Variants in USH2A observed in about 807,000 individuals in gnomAD.
USH2A encodes the protein usherin.
USH2A carries 443 observed loss-of-function variants against 538.9 expected under a neutral mutation model. The ratio of observed to expected loss-of-function variants is 0.82; its 90% confidence interval spans 0.76 to 0.89. The LOEUF (loss-of-function observed/expected upper bound fraction) is 0.89, where lower values mean the gene tolerates loss of function less well. Ranked by LOEUF, USH2A falls within the 40% of genes least tolerant of loss-of-function variation. The probability of loss-of-function intolerance (pLI) is 0.00; values close to 1 mark genes in which losing one functional copy is unlikely to be tolerated. For synonymous variants in USH2A, 2,413 were observed against 2,273.5 expected, an observed-to-expected ratio of 1.06 and a Z score of -1.75; for missense variants, 6,633 against 6,324.8, an observed-to-expected ratio of 1.05 and a Z score of -1.65.
chr1:215,670,267 G>C (rs1203905679), intron 64 of USH2A, among the ~76,000 whole-genome samples: 1 of 152,174 alleles, frequency 6.6e-6, no homozygotes, highest in African/African-American at 2.4e-5. Context: ...CTAGAAGACA[G>C]CCTGACACAT....
chr1:215,865,621 G>T (rs1202425961), intron 44 of USH2A, among the ~76,000 whole-genome samples: 2 of 152,066 alleles, frequency 1.3e-5, no homozygotes, highest in Non-Finnish European at 2.9e-5. Context: ...TAAAAACTTT[G>T]TATTTTTCCC....
intron 64 of USH2A, among the ~76,000 whole-genome samples, chr1:215,655,812 T>C (rs924250987): frequency 7.0e-6 from 1 of 142,998 alleles, no homozygotes; most frequent in African/African-American, 2.5e-5. Flanking sequence ...CTCGACTCAC[T>C]GCGATCTCCA....
At chr1:215,843,212 A>T (rs1323140553) in intron 46 of USH2A, among the ~76,000 whole-genome samples, 1 of 152,208 alleles carries the variant, frequency 6.6e-6, no homozygotes, top group Non-Finnish European at 1.5e-5. Flanking sequence ...TTCTGTGGTC[A>T]TATAAAATTT....
intron 4 of USH2A, among the ~76,000 whole-genome samples, chr1:216,331,169 T>G (rs141475912): frequency 7.9e-5 from 12 of 152,214 alleles, no homozygotes; most frequent in African/African-American, 2.9e-4. Flanking sequence ...GAATTATGAT[T>G]TGAGGTGAGA....
chr1:216,123,318 G>A (rs1320333456), intron 21 of USH2A, among the ~76,000 whole-genome samples: 1 of 152,164 alleles, frequency 6.6e-6, no homozygotes, highest in Non-Finnish European at 1.5e-5. Flanking sequence ...AACATATTAA[G>A]TCTTGTAAAA....
At chr1:216,411,154 T>C (rs922705205) in intron 3 of USH2A, among the ~76,000 whole-genome samples, 2 of 152,142 alleles carry the variant, frequency 1.3e-5, no homozygotes, top group Non-Finnish European at 2.9e-5. Context: ...TCTGTCCTCA[T>C]TTCACACCAT....
intron 38 of USH2A, among the ~76,000 whole-genome samples, chr1:215,903,889 C>T (rs951878068): frequency 2.0e-5 from 3 of 152,112 alleles, no homozygotes; most frequent in Admixed American, 6.6e-5. Flanking sequence ...CTATCCACTT[C>T]TTACCTTCAC....
chr1:215,732,696 C>T (rs1315062053), intron 60 of USH2A, among the ~76,000 whole-genome samples: 1 of 151,626 alleles, frequency 6.6e-6, no homozygotes, highest in Non-Finnish European at 1.5e-5. Context: ...TGCCTGCCAC[C>T]ATGCCTGGCT....
chr1:215,813,984 A>G, intron 48 of USH2A, 80 bp from the exon 49 acceptor site: 1 of 1,480,126 alleles, frequency 6.8e-7, no homozygotes, highest in Non-Finnish European at 9.3e-7. Flanking sequence ...TAATATAATT[A>G]TTTTCTTGTA....
chr1:215,623,561 T>G lies in USH2A; in HGVS notation c.*2220A>C, dbSNP rs1462402623. 1.3e-5 allele frequency: 2 copies of G among 152,250 alleles called. No individual in the cohort carries two copies. Among genetic ancestry groups the G allele is most frequent in the South Asian group, 4.1e-4 (2 of 4,834 alleles). The allele number at this position is 152,250 out of a possible 1,614,324, so 9.4% of individuals were successfully genotyped here. Reference sequence around the variant, plus strand: ...GTAGCAAAGCAACATCTTAGAGTTCTTCTCTGAAATAAATACAAGTAAACT... The same window carrying G: ...GTAGCAAAGCAACATCTTAGAGTTCGTCTCTGAAATAAATACAAGTAAACT... On this transcript the variant is annotated 3_prime_UTR_variant, in exon 72 of 72. Transcript: ENST00000307340.
intron 11 of USH2A, among the ~76,000 whole-genome samples, chr1:216,282,540 T>C (rs1439107487): frequency 6.6e-6 from 1 of 152,190 alleles, no homozygotes; most frequent in Non-Finnish European, 1.5e-5. Context: ...TGACTATAAA[T>C]ATGAGGGCTT....
intron 44 of USH2A, among the ~76,000 whole-genome samples, chr1:215,853,412 T>C (rs1180825456): frequency 6.6e-6 from 1 of 152,186 alleles, no homozygotes; most frequent in Non-Finnish European, 1.5e-5. Context: ...CCTGTGTTGG[T>C]CGCAGCTGTC....
chr1:216,316,276 G>A (rs533794982), intron 9 of USH2A, among the ~76,000 whole-genome samples: 24 of 152,116 alleles, frequency 1.6e-4, no homozygotes, highest in African/African-American at 5.1e-4. Context: ...AGTTGTTTTC[G>A]GTTATTTGTG....
intron 26 of USH2A, among the ~76,000 whole-genome samples, chr1:216,082,952 A>G (rs1191587889): frequency 6.6e-6 from 1 of 152,120 alleles, no homozygotes; most frequent in East Asian, 1.9e-4. Flanking sequence ...TGAATAACAA[A>G]TACAAAATTC....
At chr1:216,422,739 T>A (rs1348574285) in intron 1 of USH2A, among the ~76,000 whole-genome samples, 199 bp from the exon 2 acceptor site, 1 of 152,020 alleles carries the variant, frequency 6.6e-6, no homozygotes, top group East Asian at 1.9e-4. Flanking sequence ...TCAAGCACTT[T>A]ATAAGTCCAC....
chr1:215,823,691 G>A (rs1663076093), intron 47 of USH2A, among the ~76,000 whole-genome samples: 1 of 151,690 alleles, frequency 6.6e-6, no homozygotes, highest in Non-Finnish European at 1.5e-5. Context: ...GTCTTTTCAG[G>A]TAGTTTTCTA....
rs997016619 is a variant in USH2A at position 215,758,535 on chromosome 1, T to C, written c.11389+60A>G. ...CTAAATTAACAGTTCTATTCTTATC[T>C]CTAATTAATTCCTTTAAAATGTTTA... On this transcript the variant is annotated intron_variant, in intron 58 of 71. Transcript: ENST00000307340. 1.9e-6 allele frequency: 3 copies of C among 1,556,786 alleles called. No homozygotes were observed. In the Admixed American group the frequency reaches 5.0e-5, roughly 26 times the overall value.
chr1:215,954,905 A>G (rs1667025533), intron 37 of USH2A, among the ~76,000 whole-genome samples: 1 of 151,980 alleles, frequency 6.6e-6, no homozygotes, highest in Admixed American at 6.6e-5. Context: ...CATTTCCTCA[A>G]ATCCACCACA....
intron 61 of USH2A, among the ~76,000 whole-genome samples, chr1:215,721,909 T>A (rs1048933116): frequency 1.3e-5 from 2 of 151,818 alleles, no homozygotes; most frequent in African/African-American, 2.4e-5. Flanking sequence ...ACAAAAAATT[T>A]AAAAAATTAG....
Sources: gnomAD v4.1 joint callset for allele counts (sites outside exome capture counted in the v4.1 genomes callset) on GRCh38, gnomAD v4.1.1 for gene constraint, MANE v1.5 for transcripts, NCBI Gene and HGNC (gene_info 2026-07-23, HGNC 2026-07-21) for gene names.